Variants in HBP1 observed in about 807,000 individuals in gnomAD.
HBP1 encodes HMG box-containing protein 1.
Under a neutral mutation model 62.6 loss-of-function variants are expected in HBP1, and 20 were observed. The ratio of observed to expected loss-of-function variants is 0.32; its 90% confidence interval spans 0.22 to 0.46. HBP1 has a LOEUF of 0.46. Ranked by LOEUF, HBP1 falls within the 20% of genes least tolerant of loss-of-function variation. HBP1 has a pLI of 1.00. For synonymous variants in HBP1, 232 were observed against 206.2 expected, an observed-to-expected ratio of 1.12 and a Z score of -1.07; for missense variants, 480 against 611.8, an observed-to-expected ratio of 0.78 and a Z score of 2.27.
At chr7:107,176,700 ATTTTTTT>A (rs10713097) in intron 1 of HBP1, among the ~76,000 whole-genome samples, 2 of 129,946 alleles carry the variant, frequency 1.5e-5, no homozygotes, top group African/African-American at 5.9e-5. Flanking sequence ...AATTTGCTCC[ATTTTTTT>A]TTTTTTTTTT....
intron 8 of HBP1, among the ~76,000 whole-genome samples, chr7:107,194,345 T>C (rs1797786182): frequency 6.6e-6 from 1 of 152,212 alleles, no homozygotes; most frequent in Non-Finnish European, 1.5e-5. Flanking sequence ...ATGGGTAATT[T>C]TGTGTCAGTG....
In HBP1 at chr7:107,194,624, A is replaced by T. The variant is rs116341066; in HGVS notation, c.1068-1210A>T. On this transcript the variant is annotated intron_variant, in intron 8 of 10. Coordinates refer to ENST00000222574, the MANE Select transcript of HBP1 (RefSeq NM_012257.4). ...CTCATTCCTTTGGCTGTTTCCATCT[A>T]TCTTTAGAATTTTGTAATCTCATGT... is the stretch of plus-strand genomic sequence containing the variant. Among the ~76,000 whole-genome samples, 1,410 of 152,284 alleles carry T rather than the reference A, an allele frequency of 9.3e-3. 24 individuals are homozygous for T. Among genetic ancestry groups the T allele is most frequent in the African/African-American group, 0.032 (1,310 of 41,550 alleles).
At chr7:107,175,805 C>G (rs1424361872) in intron 1 of HBP1, among the ~76,000 whole-genome samples, 1 of 151,442 alleles carries the variant, frequency 6.6e-6, no homozygotes, top group Non-Finnish European at 1.5e-5. Flanking sequence ...CAAGCTCTGC[C>G]TCCCAGGTTC....
chr7:107,185,496 A>G (rs1273447686), intron 3 of HBP1, among the ~76,000 whole-genome samples: 2 of 152,228 alleles, frequency 1.3e-5, no homozygotes, highest in African/African-American at 4.8e-5. Flanking sequence ...ATCATTCACA[A>G]ACGAAATATA....
intron 7 of HBP1, chr7:107,189,870 TATTGTCATTGTAGACTGATGGAAGTGCTC>T: frequency 3.8e-6 from 1 of 263,508 alleles, no homozygotes; most frequent in Non-Finnish European, 7.1e-6. Flanking sequence ...ATTTATCACT[TATTGTCATTGTAGACTGATGGAAGTGCTC>T]ATTGTCATTG....
intron 1 of HBP1, among the ~76,000 whole-genome samples, chr7:107,171,075 T>TATATATATATATATATATATA (rs1331160955): frequency 1.4e-5 from 1 of 73,524 alleles, no homozygotes; most frequent in African/African-American, 8.7e-5. Flanking sequence ...ATATATATAT[T>TATATATATATATATATATATA]TTTTTTTTTT....
intron 1 of HBP1, among the ~76,000 whole-genome samples, chr7:107,169,539 C>T (rs991362522): frequency 6.6e-6 from 1 of 150,708 alleles, no homozygotes; most frequent in African/African-American, 2.4e-5. Flanking sequence ...GCCGGGGCTG[C>T]CCAGGAAAGT....
At chr7:107,198,854 A>C (rs1180562874) in intron 9 of HBP1, among the ~76,000 whole-genome samples, 1 of 152,352 alleles carries the variant, frequency 6.6e-6, no homozygotes, top group African/African-American at 2.4e-5. Context: ...TATAGTCTAC[A>C]GCATTGTGTA....
At chr7:107,170,646 G>A (rs1796509670) in intron 1 of HBP1, among the ~76,000 whole-genome samples, 1 of 151,996 alleles carries the variant, frequency 6.6e-6, no homozygotes, top group African/African-American at 2.4e-5. Context: ...AATATTGTTT[G>A]TGCTTTCTCT....
intron 1 of HBP1, among the ~76,000 whole-genome samples, chr7:107,177,272 C>A (rs772788902): frequency 1.4e-4 from 21 of 152,166 alleles, no homozygotes; most frequent in Non-Finnish European, 2.1e-4. Flanking sequence ...GGTAAGTGAT[C>A]AAGTTGGAAT....
At chr7:107,175,810 A>C (rs1796815851) in intron 1 of HBP1, among the ~76,000 whole-genome samples, 1 of 145,664 alleles carries the variant, frequency 6.9e-6, no homozygotes, top group Non-Finnish European at 1.5e-5. Flanking sequence ...TCTGCCTCCC[A>C]GGTTCACGCC....
intron 3 of HBP1, among the ~76,000 whole-genome samples, chr7:107,183,061 A>C (rs1414923495): frequency 6.6e-6 from 1 of 152,216 alleles, no homozygotes; most frequent in Non-Finnish European, 1.5e-5. Context: ...TTAAAATCTT[A>C]AACTTACAAA....
At position 107,189,384 on chromosome 7, in the gene HBP1, A is replaced by G. The variant is rs1437978856; in HGVS notation, c.858A>G (p.Thr286=). Reference sequence around the variant, plus strand: ...TGAAGTTGACTTTTGATCCTGGTACAGTAGAAGATGGTTTACTTACCGTAG... The same window carrying G: ...TGAAGTTGACTTTTGATCCTGGTACGGTAGAAGATGGTTTACTTACCGTAG... ...SVLKLTFDPG[T]VEDGLLTVEC... The change falls in exon 7 of 11, where the codon ACA becomes ACG. Residue 286 remains threonine (T), a synonymous_variant. Transcript: ENST00000222574. 6.2e-7 allele frequency: 1 copy of G among 1,612,418 alleles called. No homozygotes were observed. The highest frequency in any genetic ancestry group is 1.1e-5 in the South Asian group (1 of 91,038).
At chr7:107,194,584 G>T (rs1489719753) in intron 8 of HBP1, among the ~76,000 whole-genome samples, 2 of 152,320 alleles carry the variant, frequency 1.3e-5, no homozygotes, top group South Asian at 4.1e-4. Context: ...TGTGTAGTCA[G>T]TGGCATGGAC....
chr7:107,186,086 CTTA>C (rs1797347196), intron 4 of HBP1, 144 bp downstream of exon 4: 3 of 628,052 alleles, frequency 4.8e-6, no homozygotes, highest in Non-Finnish European at 5.4e-6. Context: ...GTTAGGAAAG[CTTA>C]TTATTAATGG....
intron 1 of HBP1, chr7:107,169,943 A>G (rs77987078): frequency 2.1e-4 from 207 of 985,558 alleles, no homozygotes; most frequent in East Asian, 1.3e-3. Flanking sequence ...CTTTCAACCT[A>G]TGCTGCCACC....
chr7:107,190,103 G>T, intron 7 of HBP1, 70 bp from the exon 8 acceptor site: 4 of 1,089,540 alleles, frequency 3.7e-6, no homozygotes, highest in Non-Finnish European at 3.9e-6. Context: ...ATATAGAAAT[G>T]ATATGTCTGT....
Position 107,175,217 on chromosome 7 carries a change from T to A in HBP1, c.-15-4662T>A, listed in dbSNP as rs1017709054. 3.3e-5 allele frequency among the ~76,000 whole-genome samples: 5 copies of A among 150,192 alleles called. No homozygotes were observed. In the South Asian group the frequency reaches 8.5e-4, roughly 26 times the overall value. Reference sequence around the variant, plus strand: ...GTCAGACCTCTTTTAAAAAAAAAAATCATCAGTGGTTCTTCATTGTCTGAT... The same window carrying A: ...GTCAGACCTCTTTTAAAAAAAAAAAACATCAGTGGTTCTTCATTGTCTGAT... On this transcript the variant is annotated intron_variant, in intron 1 of 10. Coordinates refer to ENST00000222574, the MANE Select transcript of HBP1 (RefSeq NM_012257.4).
rs1797165746 is a variant in HBP1, at chr7:107,182,647, C to G, written c.398+46C>G. On this transcript the variant is annotated intron_variant, in intron 3 of 10. Transcript: ENST00000222574. ...TTTATTGAAACATTCTATCATTACA[C>G]AAAGGTTTTATTTAAAAATTTTTCT... The G allele has an allele frequency of 3.0e-5, 31 of 1,039,906 alleles. No homozygotes were observed. The East Asian group carries it at 8.0e-4, about 27-fold the overall frequency. The allele number at this position is 1,039,906 out of a possible 1,614,324, so 64.4% of individuals were successfully genotyped here. A position where few individuals can be genotyped will look rare whatever the true frequency, so the allele number is the denominator to read the frequency against.
Sources: gnomAD v4.1 joint callset for allele counts (sites outside exome capture counted in the v4.1 genomes callset) on GRCh38, gnomAD v4.1.1 for gene constraint, MANE v1.5 for transcripts, NCBI Gene and HGNC (gene_info 2026-07-23, HGNC 2026-07-21) for gene names.